Variants in SHANK2 observed in about 807,000 individuals in gnomAD.
The protein encoded by SHANK2 is SH3 and multiple ankyrin repeat domains 2.
A neutral mutation model predicts 133.7 loss-of-function variants in SHANK2; 43 were observed. The observed-to-expected ratio is 0.32, with a 90% CI of 0.25 to 0.41. SHANK2 has a LOEUF of 0.41. Among genes scored for constraint, SHANK2 ranks in the 10% least tolerant of loss-of-function variants. SHANK2 has a pLI of 1.00. For missense variants in SHANK2, 1,994 were observed against 2,235.8 expected (o/e 0.89, Z 2.18); for synonymous variants, 1,017 against 952.8 (o/e 1.07, Z -1.24).
intron 14 of SHANK2, among the ~76,000 whole-genome samples, chr11:70,753,092 A>G (rs1946789629): frequency 6.6e-6 from 1 of 151,974 alleles, no homozygotes; most frequent in African/African-American, 2.4e-5. Context: ...CAACCTGGGT[A>G]ACAGAGTGAG....
intron 5 of SHANK2, among the ~76,000 whole-genome samples, chr11:71,110,903 G>A (rs546989452): frequency 1.6e-4 from 25 of 152,334 alleles, no homozygotes; most frequent in African/African-American, 5.1e-4. Context: ...GGGAGGTGAC[G>A]AAGTCAGGAG....
At chr11:70,874,117 C>G (rs782275691) in intron 11 of SHANK2, among the ~76,000 whole-genome samples, 1 of 152,080 alleles carries the variant, frequency 6.6e-6, no homozygotes, top group Admixed American at 6.5e-5. Flanking sequence ...ATCCATCTAT[C>G]TAATCTATCC....
intron 8 of SHANK2, among the ~76,000 whole-genome samples, chr11:71,079,754 C>T (rs963859373): frequency 8.4e-5 from 12 of 143,078 alleles, no homozygotes; most frequent in East Asian, 2.1e-4. Flanking sequence ...AGTGAGACTC[C>T]GAGAAAAGAG....
At chr11:71,187,069 G>T (rs1953690139) in intron 2 of SHANK2, among the ~76,000 whole-genome samples, 1 of 152,258 alleles carries the variant, frequency 6.6e-6, no homozygotes, top group Non-Finnish European at 1.5e-5. Context: ...AGGCTTGTGG[G>T]ATTTGCTCAG....
At position 70,867,795 on chromosome 11, in the gene SHANK2, A is replaced by G. The variant is rs1040222227; in HGVS notation, c.1174+28706T>C. On this transcript the variant is annotated intron_variant, in intron 11 of 25. Coordinates refer to ENST00000601538, the MANE Select transcript of SHANK2 (RefSeq NM_012309.5). ...GGACTCTCTGTGAAGTTTCCAAGGA[A>G]GCATTTCAGCGTTCAGCACACAGGA... Among the ~76,000 whole-genome samples, 35 of 152,336 alleles carry G rather than the reference A, an allele frequency of 2.3e-4. 1 individual carries two copies. The highest frequency in any genetic ancestry group is 7.2e-4 in the Admixed American group (11 of 15,306).
At chr11:71,184,437 CAG>C (rs1953631245) in intron 2 of SHANK2, among the ~76,000 whole-genome samples, 1 of 152,152 alleles carries the variant, frequency 6.6e-6, no homozygotes, top group African/African-American at 2.4e-5. Context: ...GCCCTTGATT[CAG>C]AGTTTGCCCC....
At chr11:70,621,505 C>T (rs2060828875) in intron 17 of SHANK2, among the ~76,000 whole-genome samples, 1 of 152,252 alleles carries the variant, frequency 6.6e-6, no homozygotes, top group African/African-American at 2.4e-5. Flanking sequence ...GCCCCTACAG[C>T]ACCCTTGGCG....
chr11:70,771,348 G>A (rs1947246089), intron 14 of SHANK2, among the ~76,000 whole-genome samples: 1 of 152,338 alleles, frequency 6.6e-6, no homozygotes, highest in East Asian at 1.9e-4. Context: ...CAAGTGACCA[G>A]CACACAGAAG....
At chr11:70,583,397 G>A (rs1198416254) in intron 17 of SHANK2, among the ~76,000 whole-genome samples, 1 of 152,158 alleles carries the variant, frequency 6.6e-6, no homozygotes, top group Non-Finnish European at 1.5e-5. Context: ...AGCATCCACA[G>A]TGCCCTGATC....
Position 71,188,136 on chromosome 11 carries a change from T to A in SHANK2, c.-13+36561A>T, listed in dbSNP as rs182532349. 7.1e-4 allele frequency among the ~76,000 whole-genome samples: 108 copies of A among 152,128 alleles called. 1 individual carries two copies. Among genetic ancestry groups the A allele is most frequent in the Middle Eastern group, 6.8e-3 (2 of 294 alleles). ...AGAAACTGAGACATCACCGGAGACG[T>A]TTCCCTCTGCCTCTGCCCCGTTTTC... On this transcript the variant is annotated intron_variant, in intron 2 of 25. Transcript: ENST00000601538. The surrounding 1 kb of genome is among the most constrained non-coding windows in gnomAD (Gnocchi z 4.6).
chr11:70,623,278 C>T (rs1411378593), intron 17 of SHANK2, among the ~76,000 whole-genome samples: 2 of 152,124 alleles, frequency 1.3e-5, no homozygotes, highest in African/African-American at 4.8e-5. Flanking sequence ...CTCCAGGTCC[C>T]CGGGCGGTTT....
At chr11:70,662,697 T>G (rs966056064) in intron 15 of SHANK2, among the ~76,000 whole-genome samples, 7 of 152,242 alleles carry the variant, frequency 4.6e-5, no homozygotes, top group African/African-American at 1.7e-4. Flanking sequence ...CATTTTTTTT[T>G]TTTAAGGAAA....
chr11:71,177,915 A>G (rs1275562839), intron 2 of SHANK2, among the ~76,000 whole-genome samples: 5 of 152,238 alleles, frequency 3.3e-5, no homozygotes, highest in African/African-American at 4.8e-5. Flanking sequence ...AATGATAATA[A>G]TAAGTGGAAA....
At chr11:70,649,072 T>C (rs150514409) in intron 17 of SHANK2, among the ~76,000 whole-genome samples, 88 of 152,152 alleles carry the variant, frequency 5.8e-4, no homozygotes, top group African/African-American at 2.0e-3. Flanking sequence ...AGAGAGAGTG[T>C]CCAATGGCGA....
chr11:70,777,625 G>A (rs1417395740), intron 14 of SHANK2, among the ~76,000 whole-genome samples: 1 of 152,188 alleles, frequency 6.6e-6, no homozygotes, highest in Non-Finnish European at 1.5e-5. Context: ...TGAGTCAACT[G>A]TATCCTCCTG....
chr11:70,558,096 C>T (rs920495526), intron 17 of SHANK2, among the ~76,000 whole-genome samples: 25 of 152,284 alleles, frequency 1.6e-4, no homozygotes, highest in African/African-American at 4.1e-4. Flanking sequence ...CTGGCTGTTC[C>T]GTGGCAGGGG....
intron 17 of SHANK2, among the ~76,000 whole-genome samples, chr11:70,575,070 T>C (rs1470118694): frequency 6.6e-6 from 1 of 152,104 alleles, no homozygotes; most frequent in Non-Finnish European, 1.5e-5. Context: ...TTGCAGCTGA[T>C]CCTCTGCGGT....
chr11:70,619,820 C>T (rs2060805860), intron 17 of SHANK2, among the ~76,000 whole-genome samples: 1 of 152,184 alleles, frequency 6.6e-6, no homozygotes, highest in Admixed American at 6.5e-5. Flanking sequence ...TCCATAACAG[C>T]AAGGCCCTTG....
intron 1 of SHANK2, among the ~76,000 whole-genome samples, chr11:71,242,103 G>A (rs1181125689): frequency 6.6e-6 from 1 of 152,200 alleles, no homozygotes; most frequent in Admixed American, 6.5e-5. Flanking sequence ...GATGAGGCTT[G>A]AGAACATTAT....
Sources: allele counts gnomAD v4.1 joint callset (sites outside exome capture counted in the v4.1 genomes callset), GRCh38; gene constraint gnomAD v4.1.1; non-coding constraint Gnocchi (gnomAD v3.1); transcripts MANE v1.5; gene names NCBI Gene and HGNC (gene_info 2026-07-23, HGNC 2026-07-21).